FATE1: variants seen among roughly 807,000 people sequenced by gnomAD.
FATE1 encodes the protein fetal and adult testis expressed 1, also known as fetal and adult testis-expressed transcript protein.
FATE1 carries 18 observed loss-of-function variants against 16.0 expected under a neutral mutation model. The observed-to-expected ratio is 1.12, with a 90% CI of 0.78 to 1.66. The LOEUF is 1.66. Ranked by LOEUF, FATE1 falls within the 40% of genes most tolerant of loss-of-function variation. The pLI is 0.00. For synonymous variants in FATE1, 76 were observed against 56.9 expected, an observed-to-expected ratio of 1.34 and a Z score of -1.51; for missense variants, 169 against 152.7, an observed-to-expected ratio of 1.11 and a Z score of -0.56.
chrX:151,716,459 C>T (rs979604499), intron 1 of FATE1, among the ~76,000 whole-genome samples: 1 of 111,202 alleles, frequency 9.0e-6, no homozygotes, highest in Admixed American at 9.5e-5. Context: ...ATGTGTAGTA[C>T]CTCTGTCTCC....
At position 151,721,449 on chromosome X, in the gene FATE1, C is replaced by T; in HGVS notation, c.289C>T (p.His97Tyr). 2 of 1,212,307 alleles carry T rather than the reference C, an allele frequency of 1.6e-6. No individual in the cohort carries two copies. The highest frequency in any genetic ancestry group is 3.5e-5 in the South Asian group (2 of 57,031). The change falls in exon 3 of 5, where the codon CAT (histidine) becomes TAT (tyrosine). Residue 97 changes from histidine to tyrosine, a missense_variant. Coordinates refer to ENST00000370350, the MANE Select transcript of FATE1 (RefSeq NM_033085.3). ...GAGAGAATCAGGCCATGGGGATGCC[C>T]ATCTCCAGGAGTACGCTGGCAATTT... The part of the protein sequence containing the change: ...MLRESGHGDA[H>Y]LQEYAGNFQG...
intron 2 of FATE1, among the ~76,000 whole-genome samples, chrX:151,718,448 C>A (rs2015086258): frequency 8.9e-6 from 1 of 111,758 alleles, no homozygotes; most frequent in Admixed American, 9.4e-5. Context: ...TTAAGTGAGT[C>A]CCACAGTTCT....
intron 4 of FATE1, among the ~76,000 whole-genome samples, 179 bp downstream of exon 4, chrX:151,722,160 C>T (rs1436053336): frequency 9.0e-6 from 1 of 110,944 alleles, no homozygotes; most frequent in Non-Finnish European, 1.9e-5. Flanking sequence ...GCATAGATGT[C>T]CAGCCTCAAA....
Position 151,722,640 on chromosome X carries a change from A to G in FATE1, c.433A>G (p.Asn145Asp). 8.2e-7 allele frequency: 1 copy of G among 1,212,314 alleles called. No individual in the cohort carries two copies. Among genetic ancestry groups the G allele is most frequent in the Non-Finnish European group, 1.1e-6 (1 of 895,558 alleles). The change falls in exon 5 of 5, where the codon AAC (asparagine) becomes GAC (aspartate). Residue 145 changes from asparagine (N) to aspartate (D), a missense_variant. Coordinates refer to ENST00000370350, the MANE Select transcript of FATE1 (RefSeq NM_033085.3). ...GACTCCTCTGCAGCTGTATGCAGTC[A>G]ACCGGCGTCTGCGCGCCCTGGAGGA... The part of the protein sequence containing the change: ...EVMRRQLYAV[N>D]RRLRALEEQG...
Position 151,722,590 on chromosome X carries a change from A to T in FATE1, c.421-38A>T, listed in dbSNP as rs749370212. On this transcript the variant is annotated intron_variant, in intron 4 of 4. Transcript: ENST00000370350. ...GCTGTGCTGTGGGCTTCTGGAGAAG[A>T]GCCTCGCTCAGCAGCCCTGCCTTTG... 5.8e-6 allele frequency: 7 copies of T among 1,210,642 alleles called. No homozygotes were observed. The East Asian group carries it at 2.1e-4, about 36-fold the overall frequency.
intron 2 of FATE1, among the ~76,000 whole-genome samples, chrX:151,718,216 GAAGAAAGAAAGAAAGAAAGA>G (rs368403459): frequency 9.8e-6 from 1 of 102,081 alleles, no homozygotes; most frequent in South Asian, 4.6e-4. Flanking sequence ...AGGAAGAAAG[GAAGAAAGAAAGAAAGAAAGA>G]AAGAGAGAAA....
At chrX:151,722,504 C>T (rs1162137463) in intron 4 of FATE1, 124 bp from the exon 5 acceptor site, 2 of 1,044,294 alleles carry the variant, frequency 1.9e-6, no homozygotes, top group East Asian at 6.1e-5. Flanking sequence ...GGGGCGCTCC[C>T]CGCTCCACCG....
chrX:151,717,231 A>T, intron 1 of FATE1, 41 bp from the exon 2 acceptor site: 5 of 1,179,381 alleles, frequency 4.2e-6, no homozygotes, highest in Non-Finnish European at 5.7e-6. Context: ...CCCTGGTGCA[A>T]CTTCTATGGG....
chrX:151,721,546 C>T (rs3827442), intron 3 of FATE1, 45 bp downstream of exon 3: 44 of 1,100,736 alleles, frequency 4.0e-5, no homozygotes, highest in Admixed American at 8.8e-5. Context: ...AGACAGGGCC[C>T]GGAGTGGGGC....
chrX:151,722,771 C>G lies in FATE1; in HGVS notation c.*12C>G. On this transcript the variant is annotated 3_prime_UTR_variant, in exon 5 of 5. Coordinates refer to ENST00000370350, the MANE Select transcript of FATE1 (RefSeq NM_033085.3). ...GGATGAACCAGTGATCGCCCCAGCG[C>G]GGCCTCCGTATTGGAGCCCTCCCTG... 1 of 1,200,410 alleles carries G rather than the reference C, an allele frequency of 8.3e-7. No individual in the cohort carries two copies. Among genetic ancestry groups the G allele is most frequent in the Non-Finnish European group, 1.1e-6 (1 of 889,457 alleles).
rs1235532565 is a variant in FATE1, at chrX:151,716,387, T to TA, written c.106+163dup. On this transcript the variant is annotated intron_variant, in intron 1 of 4. Coordinates refer to ENST00000370350, the MANE Select transcript of FATE1 (RefSeq NM_033085.3). ...GATTTGTGGGTTGATGTAAGGGAGC[T>TA]AGGGGAAAAGGGATAGATGATGTGA... Among the ~76,000 whole-genome samples the TA allele has an allele frequency of 3.6e-5, 4 of 111,854 alleles. No homozygotes were observed. In the East Asian group the frequency reaches 1.1e-3, roughly 32 times the overall value.
chrX:151,721,453 T>G lies in FATE1; in HGVS notation c.293T>G (p.Leu98Arg), dbSNP rs1230508374. The change falls in exon 3 of 5, where the codon CTC becomes CGC. Residue 98 changes from leucine (L) to arginine (R), a missense_variant. Physicochemically the swap from Leu to Arg is moderately radical, Grantham distance 102 (BLOSUM62 -2). Transcript: ENST00000370350. ...LRESGHGDAH[L>R]QEYAGNFQGI... is the part of the protein sequence containing the mutation. ...GAATCAGGCCATGGGGATGCCCATCTCCAGGAGTACGCTGGCAATTTCCAA... is the reference window on the plus strand; with the variant it reads ...GAATCAGGCCATGGGGATGCCCATCGCCAGGAGTACGCTGGCAATTTCCAA... 5.8e-6 allele frequency: 7 copies of G among 1,211,083 alleles called. No individual in the cohort carries two copies. Among genetic ancestry groups the G allele is most frequent in the Non-Finnish European group, 7.8e-6 (7 of 895,330 alleles).
Position 151,722,993 on chromosome X carries a change from T to G in FATE1, c.*234T>G. The G allele has an allele frequency of 2.6e-6, 1 of 378,746 alleles. No individual in the cohort carries two copies. The highest frequency in any genetic ancestry group is 4.5e-6 in the Non-Finnish European group (1 of 221,759). 31.2% of individuals were successfully genotyped at this position (378,746 alleles called of 1,213,427 possible). On this transcript the variant is annotated 3_prime_UTR_variant, in exon 5 of 5. Coordinates refer to ENST00000370350, the MANE Select transcript of FATE1 (RefSeq NM_033085.3). ...CTGCGTGGGCTGAGATGCCACCCTT[T>G]GAAGGGTGAACAGCATGGCGGCATC...
Position 151,716,150 on chromosome X carries a change from G to T in FATE1, c.31G>T (p.Glu11Ter). Residue 11 changes from glutamate to a stop codon, truncating the protein, a stop_gained, in exon 1 of 5, where the codon GAG becomes TAG. Transcript: ENST00000370350. LOFTEE classifies it high-confidence loss of function. Reference sequence around the variant, plus strand: ...AGGAGGCCCTCCCAACACCAAGGCGGAGATGGAAATGTCCCTGGCAGAAGA... The same window carrying T: ...AGGAGGCCCTCCCAACACCAAGGCGTAGATGGAAATGTCCCTGGCAGAAGA... MAGGPPNTKA[E>*]MEMSLAEELN... is the part of the protein sequence containing the mutation. The T allele has an allele frequency of 8.6e-7, 1 of 1,167,771 alleles. No homozygotes were observed.
At chrX:151,718,611 T>C (rs748252849) in intron 2 of FATE1, among the ~76,000 whole-genome samples, 70 of 109,898 alleles carry the variant, frequency 6.4e-4, no homozygotes, top group Middle Eastern at 9.7e-3. Flanking sequence ...GTGAGTCCCA[T>C]AGTTCTGTAC....
intron 2 of FATE1, among the ~76,000 whole-genome samples, chrX:151,717,813 T>G (rs1335650420): frequency 9.0e-6 from 1 of 111,152 alleles, no homozygotes; most frequent in Non-Finnish European, 1.9e-5. Context: ...TGGACTGGCA[T>G]GGTGGCTCAT....
intron 2 of FATE1, among the ~76,000 whole-genome samples, chrX:151,717,707 G>C (rs1341506723): frequency 1.9e-5 from 2 of 107,754 alleles, no homozygotes; most frequent in Admixed American, 1.9e-4. Flanking sequence ...TTAAAATTAT[G>C]TGTGTGGTAC....
At chrX:151,721,211 G>A (rs891125266) in intron 2 of FATE1, among the ~76,000 whole-genome samples, 184 bp from the exon 3 acceptor site, 6 of 112,279 alleles carry the variant, frequency 5.3e-5, no homozygotes, top group Non-Finnish European at 1.1e-4. Context: ...TGTGGGTGGG[G>A]TGGTGGCCAG....
rs752981867 is a variant in FATE1, at chrX:151,717,409, G to A, written c.234+10G>A. 9 of 1,192,427 alleles carry A rather than the reference G, an allele frequency of 7.5e-6. No homozygotes were observed. Among genetic ancestry groups the A allele is most frequent in the Non-Finnish European group, 9.0e-6 (8 of 884,555 alleles). On this transcript the variant is annotated intron_variant, in intron 2 of 4. Transcript: ENST00000370350. ...CCGACCCAAGAAAATGGTACTGTAT[G>A]GGGTCCTCAGCACTTGGTGGCCAGG...
Sources: allele counts gnomAD v4.1 joint callset (sites outside exome capture counted in the v4.1 genomes callset), GRCh38; gene constraint gnomAD v4.1.1; transcripts MANE v1.5; gene names NCBI Gene and HGNC (gene_info 2026-07-23, HGNC 2026-07-21).